SYK: variants seen among roughly 807,000 people sequenced by gnomAD.
SYK encodes spleen associated tyrosine kinase.
SYK carries 16 observed loss-of-function variants against 77.8 expected under a neutral mutation model. The observed-to-expected ratio is 0.21, with a 90% confidence interval of 0.14 to 0.31. The LOEUF (loss-of-function observed/expected upper bound fraction) is 0.31. Ranked by LOEUF, SYK falls within the 10% of genes least tolerant of loss-of-function variation. SYK has a pLI of 1.00. For synonymous variants in SYK, 312 were observed against 308.7 expected (o/e 1.01, Z -0.11); for missense variants, 529 against 814.4 (o/e 0.65, Z 4.26).
intron 3 of SYK, among the ~76,000 whole-genome samples, chr9:90,848,482 A>G (rs1262526590): frequency 6.6e-6 from 1 of 152,226 alleles, no homozygotes; most frequent in African/African-American, 2.4e-5. Context: ...TAAAATGCAC[A>G]TTATTTGCAA....
intron 11 of SYK, among the ~76,000 whole-genome samples, chr9:90,887,403 T>TGC (rs1433134185): frequency 4.0e-5 from 4 of 99,186 alleles, no homozygotes; most frequent in Non-Finnish European, 6.5e-5. Context: ...TTTTCTTTCT[T>TGC]TCTTTTTTTT....
At chr9:90,851,411 A>G (rs778508598) in intron 3 of SYK, among the ~76,000 whole-genome samples, 7 of 152,176 alleles carry the variant, frequency 4.6e-5, no homozygotes, top group Non-Finnish European at 8.8e-5. Flanking sequence ...GAATATAAAC[A>G]GAGGCTCTTT....
intron 1 of SYK, among the ~76,000 whole-genome samples, chr9:90,813,003 C>G (rs290236): frequency 0.78 from 118,305 of 152,024 alleles, 46,472 homozygotes; most frequent in East Asian, 0.99. Context: ...GGTCAGATAG[C>G]AAAACTGACC....
At chr9:90,842,933 T>C (rs998376306) in intron 1 of SYK, among the ~76,000 whole-genome samples, 6 of 152,190 alleles carry the variant, frequency 3.9e-5, no homozygotes, top group African/African-American at 1.4e-4. Flanking sequence ...TGTATCCTTC[T>C]AGTTTACAAC....
chr9:90,813,052 G>A (rs879639441), intron 1 of SYK, among the ~76,000 whole-genome samples: 10 of 152,108 alleles, frequency 6.6e-5, no homozygotes, highest in African/African-American at 1.7e-4. Flanking sequence ...AATGGTTTTC[G>A]TCTTTAAGAT....
rs770082655 is a variant in SYK at position 90,878,972 on chromosome 9, A to G, written c.1581+19A>G. ...CTACAAGGTAAGTACAACTTAGCTA[A>G]TATTCAGAGCAGCAGGTGGTAAAAA... On this transcript the variant is annotated intron_variant, in intron 11 of 13. Coordinates refer to ENST00000375754, the MANE Select transcript of SYK (RefSeq NM_003177.7). 3.2e-6 allele frequency: 5 copies of G among 1,558,658 alleles called. No individual in the cohort carries two copies. Among genetic ancestry groups the G allele is most frequent in the Non-Finnish European group, 4.4e-6 (5 of 1,133,498 alleles).
chr9:90,805,130 T>C lies in SYK; in HGVS notation c.-42+3237T>C, dbSNP rs536046137. Among the ~76,000 whole-genome samples the C allele has an allele frequency of 3.9e-5, 6 of 152,370 alleles. No individual in the cohort carries two copies. The South Asian group carries it at 1.0e-3, about 26-fold the overall frequency. On this transcript the variant is annotated intron_variant, in intron 1 of 13. Coordinates refer to ENST00000375754, the MANE Select transcript of SYK (RefSeq NM_003177.7). ...AAATCCAAATGGCTCCCTTGATTCT[T>C]TTCTTTCTGGGACACCACGTATTGA...
intron 7 of SYK, among the ~76,000 whole-genome samples, chr9:90,868,768 A>T (rs1376365999): frequency 6.6e-6 from 1 of 152,220 alleles, no homozygotes; most frequent in South Asian, 2.1e-4. Flanking sequence ...AAATGATGCA[A>T]TCTGTAAGAA....
chr9:90,823,820 AT>A (rs1825592035), intron 1 of SYK, among the ~76,000 whole-genome samples: 1 of 152,084 alleles, frequency 6.6e-6, no homozygotes, highest in South Asian at 2.1e-4. Context: ...ATTACTTGTG[AT>A]TCTACTTTTA....
intron 12 of SYK, among the ~76,000 whole-genome samples, chr9:90,888,182 C>T (rs944956433): frequency 6.6e-5 from 10 of 152,166 alleles, no homozygotes; most frequent in African/African-American, 2.2e-4. Flanking sequence ...ATCTTAATTA[C>T]ATTTTTTAGA....
At chr9:90,893,649 G>C (rs1243203356) in intron 13 of SYK, among the ~76,000 whole-genome samples, 1 of 152,172 alleles carries the variant, frequency 6.6e-6, no homozygotes, top group African/African-American at 2.4e-5. Flanking sequence ...AGGAACCCAG[G>C]ATAAAGACCA....
chr9:90,884,535 A>G lies in SYK; in HGVS notation c.1582-3214A>G, dbSNP rs1226763636. Among the ~76,000 whole-genome samples, 4 of 116,562 alleles carry G rather than the reference A, an allele frequency of 3.4e-5. 2 individuals carry two copies. The highest frequency in any genetic ancestry group is 1.5e-4 in the African/African-American group (4 of 27,490). The allele number at this position is 116,562 out of a possible 152,430, so 76.5% of individuals were successfully genotyped here. On this transcript the variant is annotated intron_variant, in intron 11 of 13. Transcript: ENST00000375754. ...TACATACACATACACATATGTGTAC[A>G]TGTACATACATACACATACACATAT...
At chr9:90,892,581 G>T (rs545764806) in intron 13 of SYK, among the ~76,000 whole-genome samples, 60 of 152,220 alleles carry the variant, frequency 3.9e-4, no homozygotes, top group Non-Finnish European at 7.1e-4. Context: ...CCTGCCCTGT[G>T]CAGGTCACTC....
chr9:90,843,488 C>T (rs1207702436), intron 1 of SYK, among the ~76,000 whole-genome samples: 1 of 152,182 alleles, frequency 6.6e-6, no homozygotes, highest in African/African-American at 2.4e-5. Flanking sequence ...ATTCTGCCTC[C>T]TGTATGCTGC....
At chr9:90,836,955 CAT>C (rs1318063806) in intron 1 of SYK, among the ~76,000 whole-genome samples, 1 of 152,110 alleles carries the variant, frequency 6.6e-6, no homozygotes, top group Non-Finnish European at 1.5e-5. Flanking sequence ...GTATTGTAAA[CAT>C]ATATTCTATT....
At chr9:90,857,412 G>A (rs1827080907) in intron 3 of SYK, among the ~76,000 whole-genome samples, 1 of 152,200 alleles carries the variant, frequency 6.6e-6, no homozygotes, top group South Asian at 2.1e-4. Flanking sequence ...AAGACAAGAT[G>A]CGTTAAATAA....
intron 3 of SYK, among the ~76,000 whole-genome samples, chr9:90,852,619 T>C (rs10993718): frequency 0.025 from 3,807 of 152,300 alleles, 168 homozygotes; most frequent in East Asian, 0.22. Flanking sequence ...TTAAGACACA[T>C]AAGTGGCTGC....
intron 1 of SYK, among the ~76,000 whole-genome samples, chr9:90,837,712 C>A (rs1440264608): frequency 6.6e-6 from 1 of 152,186 alleles, no homozygotes; most frequent in Non-Finnish European, 1.5e-5. Flanking sequence ...ACTTCCAATA[C>A]CTGAGAGATG....
At chr9:90,825,277 G>T (rs1367584696) in intron 1 of SYK, among the ~76,000 whole-genome samples, 2 of 152,192 alleles carry the variant, frequency 1.3e-5, no homozygotes, top group Non-Finnish European at 2.9e-5. Flanking sequence ...ACTCAATGTT[G>T]TTAAAATGTT....
Sources: allele counts gnomAD v4.1 joint callset (sites outside exome capture counted in the v4.1 genomes callset), GRCh38; gene constraint gnomAD v4.1.1; transcripts MANE v1.5; gene names NCBI Gene and HGNC (gene_info 2026-07-23, HGNC 2026-07-21).